Variants in SLC9A1 observed in about 807,000 individuals in gnomAD.
SLC9A1 encodes the protein solute carrier family 9 member A1.
In SLC9A1, 22 loss-of-function variants were observed where a neutral mutation model predicts 67.9. That is an observed-to-expected ratio of 0.32 (90% CI 0.23 to 0.46). The LOEUF (loss-of-function observed/expected upper bound fraction) is 0.46. SLC9A1 is among the 20% of genes least tolerant of loss of function. The pLI is 1.00. For synonymous variants in SLC9A1, 421 were observed against 471.8 expected (o/e 0.89, Z 1.40); for missense variants, 686 against 1,094.8 (o/e 0.63, Z 5.27).
chr1:27,125,051 C>T (rs1003404812), intron 1 of SLC9A1, among the ~76,000 whole-genome samples: 5 of 152,064 alleles, frequency 3.3e-5, no homozygotes, highest in African/African-American at 9.7e-5. Context: ...TCCTTTCTTC[C>T]TCTCACTCCT....
At position 27,100,597 on chromosome 1, in the gene SLC9A1, C is replaced by T. The variant is rs775458580; in HGVS notation, c.2158G>A (p.Asp720Asn). 1.1e-5 allele frequency: 18 copies of T among 1,613,426 alleles called. No homozygotes were observed. In the East Asian group the frequency reaches 2.0e-4, roughly 18 times the overall value. ...TCGGGTGACTGCGGGGAAGCCGGGT[C>T]GATGGTGATGACAGGCAGGTCCTCC... ...PKEDLPVITIDPASPQSPESV... is the reference protein window; with the variant it reads ...PKEDLPVITINPASPQSPESV... The change falls in exon 12 of 12, where the codon GAC becomes AAC. Residue 720 changes from aspartate (D) to asparagine (N), a missense_variant. Physicochemically the swap from Asp to Asn is conservative, Grantham distance 23 (BLOSUM62 1). Around this residue, in one of 7 missense-constraint regions of SLC9A1, gnomAD observed 226 missense variants for 282.4 expected, o/e 0.80. Coordinates refer to ENST00000263980, the MANE Select transcript of SLC9A1 (RefSeq NM_003047.5). The surrounding 1 kb of genome is among the most constrained non-coding windows in gnomAD (Gnocchi z 5.6).
chr1:27,106,159 T>A lies in SLC9A1; in HGVS notation c.1283-72A>T. ...CAGTCCCTCCTGGATTCTGCATCAG[T>A]GATTTCTCTGTGCATCCAGGAAGTC... On this transcript the variant is annotated intron_variant, in intron 4 of 11. Coordinates refer to ENST00000263980, the MANE Select transcript of SLC9A1 (RefSeq NM_003047.5). The surrounding 1 kb of genome is among the most constrained non-coding windows in gnomAD (Gnocchi z 4.3). 1 of 968,656 alleles carries A rather than the reference T, an allele frequency of 1.0e-6. No individual in the cohort carries two copies. The allele number at this position is 968,656 out of a possible 1,614,324, so 60.0% of individuals were successfully genotyped here.
intron 1 of SLC9A1, among the ~76,000 whole-genome samples, chr1:27,127,692 A>G (rs2083354895): frequency 6.6e-6 from 1 of 152,228 alleles, no homozygotes; most frequent in Non-Finnish European, 1.5e-5. Flanking sequence ...ACCCAGGCTC[A>G]GCACCTGGCA....
chr1:27,114,045 CA>C lies in SLC9A1; in HGVS notation c.593del (p.Leu198ArgfsTer99). The C allele has an allele frequency of 6.2e-7, 1 of 1,614,158 alleles. No homozygotes were observed. Among genetic ancestry groups the C allele is most frequent in the Non-Finnish European group, 8.5e-7 (1 of 1,180,054 alleles). On this transcript the variant is annotated frameshift_variant, in exon 2 of 12. Transcript: ENST00000263980. LOFTEE classifies it high-confidence loss of function. This position sits in a 1 kb window ranked among gnomAD's most constrained non-coding sequence, Gnocchi z 5.4. ...TILIFAVVGT[L>X]WNAFFLGGLM... is the part of the protein sequence containing the mutation. ...GGCCGCCCAGGAAGAAGGCGTTCCA[CA>C]GCGTGCCCACCACGGCAAAGATCAG...
At position 27,117,895 on chromosome 1, in the gene SLC9A1, A is replaced by G. The variant is rs1273381605; in HGVS notation, c.353-3609T>C. 3.9e-5 allele frequency among the ~76,000 whole-genome samples: 6 copies of G among 152,200 alleles called. No homozygotes were observed. The South Asian group carries it at 8.3e-4, about 21-fold the overall frequency. ...CCAGGCCATATGGGACACTGGGAAC[A>G]TTGAGGTGACTCAGACTCTGAACCT... On this transcript the variant is annotated intron_variant, in intron 1 of 11. Coordinates refer to ENST00000263980, the MANE Select transcript of SLC9A1 (RefSeq NM_003047.5).
chr1:27,126,115 C>G (rs1317655086), intron 1 of SLC9A1, among the ~76,000 whole-genome samples: 1 of 152,126 alleles, frequency 6.6e-6, no homozygotes, highest in Non-Finnish European at 1.5e-5. Flanking sequence ...CAGATTCCCT[C>G]CCTTCCTTCA....
In SLC9A1 at chr1:27,143,398, G is replaced by A. The variant is rs140533154; in HGVS notation, c.352+10585C>T. ...CCCACCTGTGCTTTCTCCCTTGTAT[G>A]TTGTCTCACTTCCCCAGCAAGAAAG... On this transcript the variant is annotated intron_variant, in intron 1 of 11. Transcript: ENST00000263980. 7.2e-5 allele frequency among the ~76,000 whole-genome samples: 11 copies of A among 152,278 alleles called. No individual in the cohort carries two copies. The East Asian group carries it at 2.1e-3, about 29-fold the overall frequency.
At chr1:27,151,682 T>C (rs1160781635) in intron 1 of SLC9A1, among the ~76,000 whole-genome samples, 1 of 152,144 alleles carries the variant, frequency 6.6e-6, no homozygotes, top group Non-Finnish European at 1.5e-5. Context: ...CTTTTATACA[T>C]GAGGAAACTG....
At position 27,109,888 on chromosome 1, in the gene SLC9A1, G is replaced by A. The variant is rs1016422562; in HGVS notation, c.814-111C>T. 3 of 1,248,998 alleles carry A rather than the reference G, an allele frequency of 2.4e-6. No individual in the cohort carries two copies. In the African/African-American group the frequency reaches 4.5e-5, roughly 19 times the overall value. 77.4% of individuals were successfully genotyped at this position (1,248,998 alleles called of 1,614,324 possible). On this transcript the variant is annotated intron_variant, in intron 2 of 11. Transcript: ENST00000263980. The surrounding 1 kb of genome is among the most constrained non-coding windows in gnomAD (Gnocchi z 5.5). ...CCTCCGTTAACCATGGCCACAAGAA[G>A]AGGCCACACGGTAGCAGAGAAACCC...
rs755414999 is a variant in SLC9A1, at chr1:27,100,279, G to A, written c.*28C>T. 107 of 1,479,104 alleles carry A rather than the reference G, an allele frequency of 7.2e-5. No homozygotes were observed. The highest frequency in any genetic ancestry group is 9.6e-5 in the Non-Finnish European group (106 of 1,103,402). 91.6% of individuals were successfully genotyped at this position (1,479,104 alleles called of 1,614,324 possible). Reference sequence around the variant, plus strand: ...TGCTCTGGTGGAAGAGTCTGTGAGGGGACAGGCGCTGCCTGCTGGCCCTGG... The same window carrying A: ...TGCTCTGGTGGAAGAGTCTGTGAGGAGACAGGCGCTGCCTGCTGGCCCTGG... On this transcript the variant is annotated 3_prime_UTR_variant, in exon 12 of 12. Coordinates refer to ENST00000263980, the MANE Select transcript of SLC9A1 (RefSeq NM_003047.5). This position sits in a 1 kb window ranked among gnomAD's most constrained non-coding sequence, Gnocchi z 5.6.
Position 27,113,820 on chromosome 1 carries a change from C to T in SLC9A1, c.813+6G>A, listed in dbSNP as rs1214304016. 2.5e-6 allele frequency: 4 copies of T among 1,607,420 alleles called. No homozygotes were observed. Among genetic ancestry groups the T allele is most frequent in the African/African-American group, 2.7e-5 (2 of 74,878 alleles). Reference sequence around the variant, plus strand: ...TGGACATGGGCATGGCCCCTGGCCTCCTCACCACAGTGACGGCGTCATTGA... The same window carrying T: ...TGGACATGGGCATGGCCCCTGGCCTTCTCACCACAGTGACGGCGTCATTGA... On this transcript the variant is annotated splice_donor_region_variant and intron_variant, in intron 2 of 11. Transcript: ENST00000263980.
intron 1 of SLC9A1, among the ~76,000 whole-genome samples, chr1:27,126,427 A>C (rs2083344217): frequency 6.6e-6 from 1 of 152,292 alleles, no homozygotes; most frequent in South Asian, 2.1e-4. Context: ...GCGAACCACA[A>C]GATGTTGTCG....
intron 1 of SLC9A1, among the ~76,000 whole-genome samples, chr1:27,123,113 A>G (rs906227348): frequency 6.6e-6 from 1 of 152,100 alleles, no homozygotes; most frequent in East Asian, 1.9e-4. Flanking sequence ...CATATGATAC[A>G]CACTGGTTTC....
In SLC9A1 at chr1:27,101,154, G is replaced by GA; in HGVS notation, c.2110+48_2110+49insT. The GA allele has an allele frequency of 7.1e-7, 1 of 1,412,002 alleles. No individual in the cohort carries two copies. The highest frequency in any genetic ancestry group is 1.7e-5 in the Admixed American group (1 of 59,144). The allele number at this position is 1,412,002 out of a possible 1,614,324, so 87.5% of individuals were successfully genotyped here. A position where few individuals can be genotyped will look rare whatever the true frequency, so the allele number is the denominator to read the frequency against. On this transcript the variant is annotated intron_variant, in intron 11 of 11. Transcript: ENST00000263980. The surrounding 1 kb of genome is among the most constrained non-coding windows in gnomAD (Gnocchi z 4.9). ...TTCCTGTGGAGCCCCATCCTCAGGA[G>GA]GTGGCAGCTCAGAGTGCCCAGTCCT...
intron 1 of SLC9A1, among the ~76,000 whole-genome samples, chr1:27,152,278 T>A (rs1363839066): frequency 6.6e-6 from 1 of 152,162 alleles, no homozygotes; most frequent in African/African-American, 2.4e-5. Context: ...TCTGCAGTCA[T>A]GCTGTCATCC....
chr1:27,102,840 G>GCT (rs2083157286), intron 6 of SLC9A1, 97 bp from the exon 7 acceptor site: 1 of 1,082,156 alleles, frequency 9.2e-7, no homozygotes. Context: ...CTGCAGCCCT[G>GCT]CTGGGTCCAG....
Position 27,109,472 on chromosome 1 carries a change from T to G in SLC9A1, c.1064+55A>C. The G allele has an allele frequency of 3.8e-6, 6 of 1,588,592 alleles. No homozygotes were observed. Among genetic ancestry groups the G allele is most frequent in the Non-Finnish European group, 5.1e-6 (6 of 1,168,368 alleles). The stretch of plus-strand genomic sequence containing the variant: ...ACCTACGAGCCTGGGGAATCCAAGC[T>G]GGCAGCCCCCGCCCCCACCCCGCCA... On this transcript the variant is annotated intron_variant, in intron 3 of 11. Transcript: ENST00000263980. The surrounding 1 kb of genome is among the most constrained non-coding windows in gnomAD (Gnocchi z 5.5).
rs113620695 is a variant in SLC9A1, at chr1:27,140,476, C to T, written c.352+13507G>A. Among the ~76,000 whole-genome samples the T allele has an allele frequency of 1.1e-3, 164 of 152,170 alleles. 1 individual carries two copies. Among genetic ancestry groups the T allele is most frequent in the African/African-American group, 3.8e-3 (157 of 41,500 alleles). On this transcript the variant is annotated intron_variant, in intron 1 of 11. Transcript: ENST00000263980. The stretch of plus-strand genomic sequence containing the variant: ...ACCATCCTCCAGTGCTTGACCCCAC[C>T]CTCACCTCTTCCTTTAAGGCTCCAG...
intron 1 of SLC9A1, among the ~76,000 whole-genome samples, chr1:27,127,526 A>G (rs928983458): frequency 3.9e-5 from 6 of 152,216 alleles, no homozygotes; most frequent in Admixed American, 3.3e-4. Flanking sequence ...TCCAGCGCTC[A>G]GCCAAGGCCA....
Sources: allele counts gnomAD v4.1 joint callset (sites outside exome capture counted in the v4.1 genomes callset), GRCh38; gene constraint gnomAD v4.1.1; regional missense constraint gnomAD v4.1.1; non-coding constraint Gnocchi (gnomAD v3.1); transcripts MANE v1.5; gene names NCBI Gene and HGNC (gene_info 2026-07-23, HGNC 2026-07-21).